The following AMBRA1 variants were observed in gnomAD, a reference collection of about 807,000 sequenced individuals.
The protein encoded by AMBRA1 is activating molecule in BECN1-regulated autophagy protein 1.
A neutral mutation model predicts 125.4 loss-of-function variants in AMBRA1; 47 were observed. The ratio of observed to expected loss-of-function variants is 0.37; its 90% CI spans 0.30 to 0.48. The LOEUF (loss-of-function observed/expected upper bound fraction) is 0.48, where lower values mean the gene tolerates loss of function less well. Ranked by LOEUF, AMBRA1 falls within the 20% of genes least tolerant of loss-of-function variation. The pLI is 0.99. For synonymous variants in AMBRA1, 626 were observed against 655.5 expected (o/e 0.95, Z 0.69); for missense variants, 1,331 against 1,693.4 (o/e 0.79, Z 3.76).
rs144205496 is a variant in AMBRA1 at position 46,518,307 on chromosome 11, G to A, written c.2073-5494C>T. On this transcript the variant is annotated intron_variant, in intron 7 of 17. Transcript: ENST00000683756. ...TAGCCGGGCGTGGTGGTGGGCTCCC[G>A]TAGTCCCAGCTACTTGGGAAGCTGA... 9.5e-3 allele frequency: 1,785 copies of A among 187,812 alleles called. 30 individuals are homozygous for A. Among genetic ancestry groups the A allele is most frequent in the African/African-American group, 0.041 (1,698 of 41,464 alleles). 11.6% of individuals were successfully genotyped at this position (187,812 alleles called of 1,614,324 possible). A position where few individuals can be genotyped will look rare whatever the true frequency, so the allele number is the denominator to read the frequency against.
At chr11:46,431,374 A>G (rs1947450960) in intron 14 of AMBRA1, among the ~76,000 whole-genome samples, 1 of 152,220 alleles carries the variant, frequency 6.6e-6, no homozygotes, top group South Asian at 2.1e-4. Flanking sequence ...TTGGCAGGAC[A>G]GCCAGGGGCT....
At chr11:46,515,824 C>A in intron 7 of AMBRA1, among the ~76,000 whole-genome samples, 1 of 152,188 alleles carries the variant, frequency 6.6e-6, no homozygotes, top group African/African-American at 2.4e-5. Flanking sequence ...TAAAGGCATG[C>A]GCCACCACAC....
intron 11 of AMBRA1, among the ~76,000 whole-genome samples, chr11:46,444,665 T>TATCA (rs2136757352): frequency 6.6e-6 from 1 of 152,354 alleles, no homozygotes; most frequent in East Asian, 1.9e-4. Flanking sequence ...GATTCTTCAG[T>TATCA]ATCACCTAGT....
At chr11:46,491,919 A>C (rs531355230) in intron 11 of AMBRA1, among the ~76,000 whole-genome samples, 2 of 152,210 alleles carry the variant, frequency 1.3e-5, no homozygotes, top group Non-Finnish European at 2.9e-5. Context: ...GTTCCCCCAA[A>C]GCTAAATGCC....
intron 14 of AMBRA1, among the ~76,000 whole-genome samples, chr11:46,423,593 G>A (rs1230868560): frequency 1.3e-5 from 2 of 151,456 alleles, no homozygotes; most frequent in African/African-American, 2.4e-5. Flanking sequence ...GGGTTTCACC[G>A]TATTAGCCAG....
At chr11:46,466,969 G>C (rs1949356878) in intron 11 of AMBRA1, among the ~76,000 whole-genome samples, 1 of 144,146 alleles carries the variant, frequency 6.9e-6, no homozygotes, top group Non-Finnish European at 1.5e-5. Flanking sequence ...CCAGGCTGGA[G>C]TGCAGTGGCA....
chr11:46,438,450 C>T (rs1947835324), intron 12 of AMBRA1, among the ~76,000 whole-genome samples: 3 of 152,230 alleles, frequency 2.0e-5, no homozygotes, highest in Non-Finnish European at 2.9e-5. Flanking sequence ...GTACAAAGAT[C>T]GATTTGTAGC....
intron 15 of AMBRA1, 131 bp downstream of exon 15, chr11:46,417,782 G>C (rs774997179): frequency 4.5e-6 from 5 of 1,117,884 alleles, no homozygotes; most frequent in Non-Finnish European, 6.0e-6. Flanking sequence ...CCTTTAAGGA[G>C]TGGCGCTGAG....
chr11:46,470,907 T>C (rs534779494), intron 11 of AMBRA1, among the ~76,000 whole-genome samples: 87 of 152,282 alleles, frequency 5.7e-4, no homozygotes, highest in African/African-American at 2.1e-3. Context: ...GGAAATTACA[T>C]TCTAGAGGGA....
intron 7 of AMBRA1, among the ~76,000 whole-genome samples, chr11:46,532,478 C>T (rs924259766): frequency 1.3e-5 from 2 of 152,168 alleles, no homozygotes; most frequent in Admixed American, 6.5e-5. Flanking sequence ...TCTCTTTTGC[C>T]GAGGCTGGAG....
chr11:46,557,196 G>C (rs1282753576), intron 1 of AMBRA1, among the ~76,000 whole-genome samples: 1 of 150,602 alleles, frequency 6.6e-6, no homozygotes, highest in East Asian at 2.0e-4. Context: ...AGCTACTCAG[G>C]AGGCTGAGGC....
At chr11:46,484,136 C>G (rs1950180119) in intron 11 of AMBRA1, among the ~76,000 whole-genome samples, 1 of 152,058 alleles carries the variant, frequency 6.6e-6, no homozygotes, top group South Asian at 2.1e-4. Flanking sequence ...ACAAGGGGCC[C>G]AAGGTAGGGG....
chr11:46,398,180 T>TA (rs1202615494), intron 17 of AMBRA1, among the ~76,000 whole-genome samples: 2 of 152,218 alleles, frequency 1.3e-5, no homozygotes, highest in African/African-American at 4.8e-5. Flanking sequence ...GATGGCCAGT[T>TA]AAGAGGCAGC....
chr11:46,485,365 G>T (rs78447019), intron 11 of AMBRA1, among the ~76,000 whole-genome samples: 2,853 of 152,280 alleles, frequency 0.019, 97 homozygotes, highest in African/African-American at 0.065. Context: ...AGATGAACGG[G>T]GACACATTTG....
intron 11 of AMBRA1, among the ~76,000 whole-genome samples, chr11:46,463,157 G>A (rs1228153005): frequency 6.6e-6 from 1 of 152,174 alleles, no homozygotes; most frequent in Non-Finnish European, 1.5e-5. Context: ...TTCTGTTACA[G>A]TTCTTCTGCT....
intron 12 of AMBRA1, among the ~76,000 whole-genome samples, chr11:46,439,734 T>C (rs1170285585): frequency 6.6e-6 from 1 of 152,188 alleles, no homozygotes; most frequent in Non-Finnish European, 1.5e-5. Context: ...TATAAGTTAA[T>C]TTTCTGATTT....
At chr11:46,482,396 TAA>T (rs1950103737) in intron 11 of AMBRA1, among the ~76,000 whole-genome samples, 1 of 152,216 alleles carries the variant, frequency 6.6e-6, no homozygotes, top group South Asian at 2.1e-4. Flanking sequence ...ACGGAAACCG[TAA>T]AAGACTGTTG....
intron 7 of AMBRA1, among the ~76,000 whole-genome samples, chr11:46,526,338 C>A (rs962682224): frequency 1.3e-5 from 2 of 151,976 alleles, no homozygotes; most frequent in Non-Finnish European, 2.9e-5. Flanking sequence ...GGTCCCCTCC[C>A]ACACTGAATC....
intron 14 of AMBRA1, among the ~76,000 whole-genome samples, chr11:46,427,840 C>G (rs962871303): frequency 1.1e-4 from 16 of 151,900 alleles, no homozygotes; most frequent in Non-Finnish European, 2.4e-4. Flanking sequence ...GAAACCCTGT[C>G]TCTACTAAAA....
Sources: gnomAD v4.1 joint callset for allele counts (sites outside exome capture counted in the v4.1 genomes callset) on GRCh38, gnomAD v4.1.1 for gene constraint, MANE v1.5 for transcripts, NCBI Gene and HGNC (gene_info 2026-07-23, HGNC 2026-07-21) for gene names.